GALK2: variants seen among roughly 807,000 people sequenced by gnomAD.
GALK2 encodes galactokinase 2.
In GALK2, 36 loss-of-function variants were observed where a neutral mutation model predicts 52.4. The ratio of observed to expected loss-of-function variants is 0.69; its 90% CI spans 0.53 to 0.91. The LOEUF is 0.91. Ranked by LOEUF, GALK2 falls within the 40% of genes least tolerant of loss-of-function variation. The probability of loss-of-function intolerance (pLI) is 0.00; values close to 1 mark genes in which losing one functional copy is unlikely to be tolerated. For synonymous variants in GALK2, 176 were observed against 199.1 expected (o/e 0.88, Z 0.98); for missense variants, 579 against 559.1 (o/e 1.04, Z -0.36).
intron 1 of GALK2, among the ~76,000 whole-genome samples, chr15:49,157,571 C>T (rs1457074809): frequency 2.0e-5 from 3 of 151,570 alleles, no homozygotes; most frequent in Non-Finnish European, 2.9e-5. Context: ...TAGAAACTTT[C>T]GAAAAAGTAA....
chr15:49,215,913 G>C (rs1021030053), intron 2 of GALK2, among the ~76,000 whole-genome samples: 1 of 152,214 alleles, frequency 6.6e-6, no homozygotes, highest in African/African-American at 2.4e-5. Flanking sequence ...GATTGAGTGT[G>C]TTGTGCTCTA....
intron 2 of GALK2, among the ~76,000 whole-genome samples, chr15:49,206,090 C>T (rs984395219): frequency 6.6e-5 from 10 of 151,990 alleles, no homozygotes; most frequent in African/African-American, 2.2e-4. Context: ...CATTGGTCTA[C>T]GTGCCTATTT....
intron 3 of GALK2, among the ~76,000 whole-genome samples, chr15:49,341,421 G>A (rs985503658): frequency 1.3e-5 from 2 of 152,048 alleles, no homozygotes; most frequent in Non-Finnish European, 2.9e-5. Context: ...TGTCACCTAT[G>A]ATTTCTTTCC....
At chr15:49,344,814 A>G (rs2041236222) in intron 3 of GALK2, among the ~76,000 whole-genome samples, 1 of 152,188 alleles carries the variant, frequency 6.6e-6, no homozygotes, top group Non-Finnish European at 1.5e-5. Flanking sequence ...AATGACTGAA[A>G]CTTGAAGATA....
At chr15:49,334,725 TA>T (rs2039406178), downstream of GALK2, among the ~76,000 whole-genome samples, 1 of 152,254 alleles carries the variant, frequency 6.6e-6, no homozygotes, top group African/African-American at 2.4e-5. Context: ...GTCCTCCATT[TA>T]CTTCTCTTGG....
upstream of GALK2, chr15:49,169,043 C>T (rs1303807380): frequency 6.5e-6 from 1 of 153,572 alleles, no homozygotes; most frequent in African/African-American, 2.4e-5. Context: ...GGGGCTGCCA[C>T]TCTTTGGCTA....
upstream of GALK2, among the ~76,000 whole-genome samples, chr15:49,168,483 C>T (rs545109045): frequency 1.0e-3 from 158 of 152,226 alleles, no homozygotes; most frequent in African/African-American, 3.7e-3. Flanking sequence ...TTTTGGAAGG[C>T]CGAGGTGGGC....
At chr15:49,354,455 T>G (rs1013644800) in intron 3 of GALK2, among the ~76,000 whole-genome samples, 5 of 152,120 alleles carry the variant, frequency 3.3e-5, no homozygotes, top group South Asian at 2.1e-4. Context: ...GGTCAGGGAG[T>G]TCCCTTTCCG....
intron 3 of GALK2, chr15:49,366,717 C>A: frequency 1.6e-6 from 2 of 1,215,894 alleles, no homozygotes; most frequent in Non-Finnish European, 2.4e-6. Context: ...GGTGGCGCGG[C>A]GCGGCTCACT....
chr15:49,354,237 G>A (rs1337409312), intron 3 of GALK2, among the ~76,000 whole-genome samples: 1 of 152,176 alleles, frequency 6.6e-6, no homozygotes, highest in Non-Finnish European at 1.5e-5. Flanking sequence ...TGTGTATGGG[G>A]AGGAGCCAAG....
rs1345983839 is a variant in GALK2, at chr15:49,270,404, T to TGGGGGTGA, written c.505-11582_505-11581insGGGGTGAG. Among the ~76,000 whole-genome samples the TGGGGGTGA allele has an allele frequency of 3.2e-3, 494 of 152,330 alleles. 4 individuals are homozygous for TGGGGGTGA. Among genetic ancestry groups the TGGGGGTGA allele is most frequent in the African/African-American group, 0.011 (476 of 41,582 alleles). Reference sequence around the variant, plus strand: ...TATTTTCCCTGGGGGTGCTAAATTCTGAAATGCATTTCTCACATGGATTCT... The same window carrying TGGGGGTGA: ...TATTTTCCCTGGGGGTGCTAAATTCTGGGGGTGAGAAATGCATTTCTCACATGGATTCT... On this transcript the variant is annotated intron_variant, in intron 5 of 9. Coordinates refer to ENST00000560031, the MANE Select transcript of GALK2 (RefSeq NM_002044.4).
At chr15:49,279,772 G>A (rs766614026) in intron 5 of GALK2, among the ~76,000 whole-genome samples, 1 of 152,186 alleles carries the variant, frequency 6.6e-6, no homozygotes, top group Non-Finnish European at 1.5e-5. Flanking sequence ...TGAATGTACT[G>A]CTTCATCTGG....
intron 1 of GALK2, chr15:49,195,052 C>A (rs1471619597): frequency 4.4e-6 from 2 of 449,920 alleles, no homozygotes; most frequent in Non-Finnish European, 8.9e-6. Context: ...ACAGGGATAT[C>A]TTTTCATTTC....
chr15:49,197,622 A>G lies in GALK2; in HGVS notation c.54-3540A>G, dbSNP rs955262529. Reference sequence around the variant, plus strand: ...TTTTATTTATGAAAGTTTGTGTTAAATACTTAAATGTGGAATTTTCCACTT... The same window carrying G: ...TTTTATTTATGAAAGTTTGTGTTAAGTACTTAAATGTGGAATTTTCCACTT... On this transcript the variant is annotated intron_variant, in intron 1 of 9. Coordinates refer to ENST00000560031, the MANE Select transcript of GALK2 (RefSeq NM_002044.4). 3.9e-5 allele frequency among the ~76,000 whole-genome samples: 6 copies of G among 152,182 alleles called. No individual in the cohort carries two copies. The South Asian group carries it at 1.2e-3, about 31-fold the overall frequency.
At chr15:49,277,447 C>T (rs557318482) in intron 5 of GALK2, among the ~76,000 whole-genome samples, 327 of 142,594 alleles carry the variant, frequency 2.3e-3, no homozygotes, top group African/African-American at 7.9e-3. Context: ...GGATGACAGG[C>T]GTGAGCCACC....
chr15:49,352,707 A>T (rs2151312982), intron 3 of GALK2, among the ~76,000 whole-genome samples: 1 of 152,294 alleles, frequency 6.6e-6, no homozygotes, highest in South Asian at 2.1e-4. Context: ...GAACAAATTA[A>T]AATAGCTTGG....
At chr15:49,198,716 T>G (rs201560292) in intron 1 of GALK2, among the ~76,000 whole-genome samples, 9,055 of 152,138 alleles carry the variant, frequency 0.06, 531 homozygotes, top group African/African-American at 0.15. Flanking sequence ...ACACTTCACC[T>G]TTTTTTAATA....
intron 8 of GALK2, among the ~76,000 whole-genome samples, chr15:49,298,724 T>A (rs932203757): frequency 6.6e-6 from 1 of 152,222 alleles, no homozygotes; most frequent in South Asian, 2.1e-4. Flanking sequence ...GATTTGCCTA[T>A]GTTGAACTAA....
chr15:49,225,166 C>G (rs547781931), intron 3 of GALK2: 1 of 455,226 alleles, frequency 2.2e-6, no homozygotes, highest in Admixed American at 2.4e-5. Flanking sequence ...GAAGCCGCCT[C>G]TGATCACTGG....
Sources: allele counts gnomAD v4.1 joint callset (sites outside exome capture counted in the v4.1 genomes callset), GRCh38; gene constraint gnomAD v4.1.1; transcripts MANE v1.5; gene names NCBI Gene and HGNC (gene_info 2026-07-23, HGNC 2026-07-21).